The following WWOX variants were observed in gnomAD, a reference collection of about 807,000 sequenced individuals.
WWOX encodes WW domain containing oxidoreductase.
Under a neutral mutation model 46.2 loss-of-function variants are expected in WWOX, and 69 were observed. That is an observed-to-expected ratio of 1.49 (90% confidence interval 1.23 to 1.82). WWOX has a LOEUF of 1.82. Ranked by LOEUF, WWOX falls within the 40% of genes most tolerant of loss-of-function variation. WWOX has a pLI of 0.00. For missense variants in WWOX, 919 were observed against 542.6 expected (o/e 1.69, Z -6.89); for synonymous variants, 359 against 202.6 (o/e 1.77, Z -6.56).
chr16:78,598,648 T>A (rs1450261503), intron 8 of WWOX, among the ~76,000 whole-genome samples: 3 of 151,978 alleles, frequency 2.0e-5, no homozygotes, highest in East Asian at 1.9e-4. Flanking sequence ...TGAAAAGAAA[T>A]CTCCTTTCAA....
At chr16:78,795,463 C>G (rs962210254) in intron 8 of WWOX, among the ~76,000 whole-genome samples, 7 of 151,518 alleles carry the variant, frequency 4.6e-5, no homozygotes, top group Non-Finnish European at 5.9e-5. Context: ...TGTCTTCAAC[C>G]TCCATCTAGA....
intron 8 of WWOX, among the ~76,000 whole-genome samples, chr16:78,718,623 C>G (rs995674395): frequency 6.6e-6 from 1 of 151,870 alleles, no homozygotes; most frequent in Non-Finnish European, 1.5e-5. Flanking sequence ...TGGGAGGATC[C>G]CTTGAGCCCA....
intron 8 of WWOX, chr16:78,891,468 C>T (rs1310864181): frequency 6.6e-6 from 1 of 152,164 alleles, no homozygotes; most frequent in African/African-American, 2.4e-5. Context: ...GTAGAAGTGA[C>T]TGGATGGTAA....
chr16:78,298,081 C>T (rs1217413071), intron 5 of WWOX, among the ~76,000 whole-genome samples: 1 of 152,110 alleles, frequency 6.6e-6, no homozygotes, highest in Non-Finnish European at 1.5e-5. Context: ...CTTCTTGCCA[C>T]CAGGTGAGGA....
chr16:78,974,928 G>C (rs2046542041), intron 8 of WWOX, among the ~76,000 whole-genome samples: 1 of 152,142 alleles, frequency 6.6e-6, no homozygotes, highest in Non-Finnish European at 1.5e-5. Context: ...TGCAGCCTCG[G>C]AATTTAATGA....
At chr16:78,391,590 G>C (rs1012729162) in intron 6 of WWOX, among the ~76,000 whole-genome samples, 2 of 152,226 alleles carry the variant, frequency 1.3e-5, no homozygotes, top group Non-Finnish European at 2.9e-5. Flanking sequence ...GCTCACACAT[G>C]TAATCCCAGC....
At chr16:78,462,069 G>A (rs2083964499) in intron 8 of WWOX, among the ~76,000 whole-genome samples, 1 of 152,172 alleles carries the variant, frequency 6.6e-6, no homozygotes. Flanking sequence ...ATGAACTTTT[G>A]ACCAGGGTCT....
At chr16:79,113,359 G>A (rs1448582808) in intron 8 of WWOX, among the ~76,000 whole-genome samples, 1 of 152,136 alleles carries the variant, frequency 6.6e-6, no homozygotes, top group Non-Finnish European at 1.5e-5. Flanking sequence ...CCCCATCAGG[G>A]GGCAAAGAAA....
chr16:78,977,521 C>G (rs1234175867), intron 8 of WWOX, among the ~76,000 whole-genome samples: 1 of 152,162 alleles, frequency 6.6e-6, no homozygotes, highest in African/African-American at 2.4e-5. Flanking sequence ...CATAGACGCC[C>G]TCTCTGCATG....
chr16:78,328,773 C>T (rs11863537), intron 5 of WWOX, among the ~76,000 whole-genome samples: 47,875 of 152,004 alleles, frequency 0.31, 8,652 homozygotes, highest in East Asian at 0.61. Flanking sequence ...CCCTCAGCAC[C>T]TCCAGTTTTT....
At chr16:79,143,843 A>G (rs2050135440) in intron 8 of WWOX, among the ~76,000 whole-genome samples, 1 of 152,164 alleles carries the variant, frequency 6.6e-6, no homozygotes, top group South Asian at 2.1e-4. Context: ...CGATCTGCTG[A>G]TATGAAGCCG....
At chr16:78,623,098 A>G (rs1194681338) in intron 8 of WWOX, among the ~76,000 whole-genome samples, 2 of 152,102 alleles carry the variant, frequency 1.3e-5, no homozygotes, top group East Asian at 1.9e-4. Flanking sequence ...GCCTCTGATG[A>G]GACCGCAGCC....
At chr16:78,432,828 A>G in intron 8 of WWOX, 76 bp downstream of exon 8, 1 of 1,607,066 alleles carries the variant, frequency 6.2e-7, no homozygotes, top group Middle Eastern at 1.8e-4. Context: ...CCACCTTTTT[A>G]CCTCTTGCGG....
intron 8 of WWOX, among the ~76,000 whole-genome samples, chr16:78,687,424 A>G (rs375670626): frequency 6.6e-6 from 1 of 152,240 alleles, no homozygotes; most frequent in East Asian, 1.9e-4. Context: ...GTTCTATTGC[A>G]TGCTGATAAA....
intron 6 of WWOX, among the ~76,000 whole-genome samples, chr16:78,401,863 C>G (rs1034646119): frequency 3.3e-5 from 5 of 151,964 alleles, no homozygotes; most frequent in Admixed American, 1.3e-4. Flanking sequence ...CCACGCTTGG[C>G]TAATTTTTGT....
At chr16:78,980,204 C>G (rs2046653982) in intron 8 of WWOX, among the ~76,000 whole-genome samples, 1 of 152,200 alleles carries the variant, frequency 6.6e-6, no homozygotes, top group African/African-American at 2.4e-5. Flanking sequence ...CATACCTATC[C>G]TTCACCTTTA....
At chr16:78,540,790 G>A (rs1294313982) in intron 8 of WWOX, among the ~76,000 whole-genome samples, 2 of 152,078 alleles carry the variant, frequency 1.3e-5, no homozygotes, top group Admixed American at 6.5e-5. Context: ...GAGCCCAAGC[G>A]ATCTTCCCAC....
At position 78,254,502 on chromosome 16, in the gene WWOX, G is replaced by GTTTTTTTTTTTTTTTT. The variant is rs59706959; in HGVS notation, c.516+90215_516+90230dup. The stretch of plus-strand genomic sequence containing the variant: ...CACTTTTCTTTTTCTTTTCTTTCTT[G>GTTTTTTTTTTTTTTTT]TTTTTTTTTTTTTTTTTGTTTGACA... On this transcript the variant is annotated intron_variant, in intron 5 of 8. Transcript: ENST00000566780. Among the ~76,000 whole-genome samples, 32 of 91,650 alleles carry GTTTTTTTTTTTTTTTT rather than the reference G, an allele frequency of 3.5e-4. 2 individuals are homozygous for GTTTTTTTTTTTTTTTT. The highest frequency in any genetic ancestry group is 1.2e-3 in the African/African-American group (24 of 19,300). The allele number at this position is 91,650 out of a possible 152,430, so 60.1% of individuals were successfully genotyped here.
At chr16:78,932,656 G>C (rs148355743) in intron 8 of WWOX, among the ~76,000 whole-genome samples, 1 of 152,214 alleles carries the variant, frequency 6.6e-6, no homozygotes, top group African/African-American at 2.4e-5. Flanking sequence ...GCGGCCTCTG[G>C]GGTGAATTCC....
Sources: allele counts gnomAD v4.1 joint callset (sites outside exome capture counted in the v4.1 genomes callset), GRCh38; gene constraint gnomAD v4.1.1; transcripts MANE v1.5; gene names NCBI Gene and HGNC (gene_info 2026-07-23, HGNC 2026-07-21).